Variants in TMPRSS2 observed in about 807,000 individuals in gnomAD.
The protein encoded by TMPRSS2 is transmembrane serine protease 2.
A neutral mutation model predicts 67.4 loss-of-function variants in TMPRSS2; 59 were observed. That is an observed-to-expected ratio of 0.88 (90% confidence interval 0.71 to 1.09). TMPRSS2 has a LOEUF of 1.09. Ranked by LOEUF, TMPRSS2 falls within the 50% of genes least tolerant of loss-of-function variation. The pLI, the probability that TMPRSS2 is intolerant of heterozygous loss-of-function variation, is 0.00. For synonymous variants in TMPRSS2, 257 were observed against 257.0 expected (o/e 1.00, Z 0.00); for missense variants, 668 against 642.7 (o/e 1.04, Z -0.43).
At chr21:41,491,250 G>T (rs944267129) in intron 3 of TMPRSS2, among the ~76,000 whole-genome samples, 25 of 147,560 alleles carry the variant, frequency 1.7e-4, no homozygotes, top group Admixed American at 2.8e-4. Context: ...TCCACCTCCT[G>T]AGCTCAAGCC....
chr21:41,465,138 C>T lies in TMPRSS2; in HGVS notation c.*1004G>A, dbSNP rs1027140845. 4.3e-6 allele frequency: 1 copy of T among 233,772 alleles called. No individual in the cohort carries two copies. The highest frequency in any genetic ancestry group is 8.5e-6 in the Non-Finnish European group (1 of 118,066). The allele number at this position is 233,772 out of a possible 1,614,324, so 14.5% of individuals were successfully genotyped here. ...CAGCTGAAATAGGCCACCACTCTTA[C>T]TTGGCAAAGATGATACAGTTTCAAA... On this transcript the variant is annotated 3_prime_UTR_variant, in exon 14 of 14. Transcript: ENST00000332149.
chr21:41,491,015 C>G (rs1376323263), intron 3 of TMPRSS2, among the ~76,000 whole-genome samples: 2 of 152,208 alleles, frequency 1.3e-5, no homozygotes, highest in Non-Finnish European at 2.9e-5. Flanking sequence ...CCATACCTCT[C>G]TCTTTGTGAC....
At position 41,476,585 on chromosome 21, in the gene TMPRSS2, C is replaced by A. The variant is rs760039204; in HGVS notation, c.719G>T (p.Arg240Leu). The A allele has an allele frequency of 1.2e-6, 2 of 1,613,024 alleles. No homozygotes were observed. The highest frequency in any genetic ancestry group is 1.7e-6 in the Non-Finnish European group (2 of 1,179,870). Residue 240 changes from arginine (R) to leucine (L), a missense_variant, in exon 8 of 14, where the codon CGC becomes CTC. Arg to Leu is a moderately radical substitution (Grantham distance 102). Coordinates refer to ENST00000332149, the MANE Select transcript of TMPRSS2 (RefSeq NM_005656.4). ...ACSSKAVVSL[R>L]CIACGVNLNS... ...ACTCCAGATGAACTTACCTATACAG[C>A]GTAAAGAAACCACTGCTTTTGAAGA...
rs534192391 is a variant in TMPRSS2 at position 41,466,298 on chromosome 21, C to T, written c.1468-145G>A. 7.4e-5 allele frequency: 60 copies of T among 811,680 alleles called. No homozygotes were observed. In the South Asian group the frequency reaches 8.2e-4, roughly 11 times the overall value. 50.3% of individuals were successfully genotyped at this position (811,680 alleles called of 1,614,324 possible). A position where few individuals can be genotyped will look rare whatever the true frequency, so the allele number is the denominator to read the frequency against. ...ACAAAGGGATCATTCTTCTCTCCAA[C>T]GTGTTGGTCAGAGTCAGGCTGAGCA... On this transcript the variant is annotated intron_variant, in intron 13 of 13. Coordinates refer to ENST00000332149, the MANE Select transcript of TMPRSS2 (RefSeq NM_005656.4).
chr21:41,465,966 G>T lies in TMPRSS2; in HGVS notation c.*176C>A. On this transcript the variant is annotated 3_prime_UTR_variant, in exon 14 of 14. Transcript: ENST00000332149. Reference sequence around the variant, plus strand: ...GGGGTTAGGGAGAGCAGGCTGGGCAGGGGAGCCACTGCAGCCTGCACAGAA... The same window carrying T: ...GGGGTTAGGGAGAGCAGGCTGGGCATGGGAGCCACTGCAGCCTGCACAGAA... 1.4e-6 allele frequency: 1 copy of T among 733,448 alleles called. No homozygotes were observed. Among genetic ancestry groups the T allele is most frequent in the Non-Finnish European group, 2.3e-6 (1 of 438,910 alleles). 45.4% of individuals were successfully genotyped at this position (733,448 alleles called of 1,614,324 possible).
chr21:41,501,897 A>C (rs964814889), intron 1 of TMPRSS2, among the ~76,000 whole-genome samples: 11 of 152,190 alleles, frequency 7.2e-5, no homozygotes, highest in African/African-American at 2.7e-4. Context: ...CATTTAAAGG[A>C]CCGGGATGAT....
chr21:41,480,181 G>A (rs548725701), intron 6 of TMPRSS2, among the ~76,000 whole-genome samples: 42 of 152,242 alleles, frequency 2.8e-4, no homozygotes, highest in Middle Eastern at 3.4e-3. Flanking sequence ...GGCACCTAAC[G>A]CCCTCAGCCT....
At chr21:41,498,643 T>C (rs140037718) in intron 1 of TMPRSS2, among the ~76,000 whole-genome samples, 44 of 152,224 alleles carry the variant, frequency 2.9e-4, no homozygotes, top group African/African-American at 9.9e-4. Flanking sequence ...ATATCCCCTA[T>C]ACAGAACATC....
chr21:41,491,740 C>T (rs1303433679), intron 3 of TMPRSS2, among the ~76,000 whole-genome samples: 1 of 152,224 alleles, frequency 6.6e-6, no homozygotes, highest in African/African-American at 2.4e-5. Context: ...GAGCATGTGC[C>T]AATCTGTACA....
rs143920384 is a variant in TMPRSS2, at chr21:41,468,524, C to T, written c.1186G>A (p.Val396Met). 3 of 1,614,006 alleles carry T rather than the reference C, an allele frequency of 1.9e-6. No individual in the cohort carries two copies. The highest frequency in any genetic ancestry group is 2.7e-5 in the African/African-American group (2 of 74,918). Reference protein sequence around the residue: ...ATEEKGKTSEVLNAAKVLLIE... With the variant: ...ATEEKGKTSEMLNAAKVLLIE... ...AGAAGCACCTTGGCAGCGTTCAGCA[C>T]TTCTGAGGTCTTCCCTAAGGACAGG... The change falls in exon 12 of 14, where the codon GTG becomes ATG. Residue 396 changes from valine to methionine, a missense_variant. Coordinates refer to ENST00000332149, the MANE Select transcript of TMPRSS2 (RefSeq NM_005656.4).
chr21:41,481,653 TA>T (rs1307321453), intron 5 of TMPRSS2, among the ~76,000 whole-genome samples: 1 of 152,200 alleles, frequency 6.6e-6, no homozygotes, highest in Non-Finnish European at 1.5e-5. Flanking sequence ...CTGTTTTATA[TA>T]AAAAATTATA....
intron 11 of TMPRSS2, 37 bp from the exon 12 acceptor site, chr21:41,468,575 C>T: frequency 6.2e-7 from 1 of 1,610,886 alleles, no homozygotes; most frequent in Non-Finnish European, 8.5e-7. Flanking sequence ...CCCAGTGTTG[C>T]CTGCAGCTCT....
intron 1 of TMPRSS2, among the ~76,000 whole-genome samples, chr21:41,502,052 G>C (rs1303327498): frequency 2.0e-5 from 3 of 152,218 alleles, no homozygotes; most frequent in Non-Finnish European, 4.4e-5. Flanking sequence ...TCACCCACTT[G>C]AATCTCACAA....
At chr21:41,501,807 G>A (rs572507505) in intron 1 of TMPRSS2, among the ~76,000 whole-genome samples, 5 of 152,192 alleles carry the variant, frequency 3.3e-5, no homozygotes, top group East Asian at 3.9e-4. Flanking sequence ...CTTGTACATC[G>A]CATTAACTCA....
At chr21:41,476,705 G>C (rs995863873) in intron 7 of TMPRSS2, 85 bp from the exon 8 acceptor site, 37 of 1,195,996 alleles carry the variant, frequency 3.1e-5, no homozygotes, top group Non-Finnish European at 4.0e-5. Context: ...CATTTCTTCC[G>C]ATGTTCCCTC....
intron 3 of TMPRSS2, among the ~76,000 whole-genome samples, chr21:41,492,091 G>A (rs1024266087): frequency 1.3e-5 from 2 of 152,260 alleles, no homozygotes; most frequent in African/African-American, 4.8e-5. Flanking sequence ...TACTCAGGAG[G>A]CTGAGGCAGG....
intron 10 of TMPRSS2, 26 bp downstream of exon 10, chr21:41,471,780 G>C: frequency 6.4e-7 from 1 of 1,562,912 alleles, no homozygotes; most frequent in Non-Finnish European, 8.7e-7. Context: ...CTGCCAACCT[G>C]CTTGCCAAGC....
intron 1 of TMPRSS2, 84 bp downstream of exon 1, chr21:41,507,996 AG>A (rs1569031768): frequency 2.9e-6 from 4 of 1,395,490 alleles, no homozygotes; most frequent in Admixed American, 3.3e-5. Context: ...CGGGCGGGGC[AG>A]GGGGCATCGG....
At chr21:41,486,708 G>C (rs1018766494) in intron 5 of TMPRSS2, 1 of 152,208 alleles carries the variant, frequency 6.6e-6, no homozygotes, top group Non-Finnish European at 1.5e-5. Context: ...GCTGGCAGGA[G>C]GGGGATGATT....
Sources: allele counts gnomAD v4.1 joint callset (sites outside exome capture counted in the v4.1 genomes callset), GRCh38; gene constraint gnomAD v4.1.1; transcripts MANE v1.5; gene names NCBI Gene and HGNC (gene_info 2026-07-23, HGNC 2026-07-21).